PRIM2: variants seen among roughly 807,000 people sequenced by gnomAD.
PRIM2 encodes the protein DNA primase subunit 2, also known as DNA primase large subunit.
Under a neutral mutation model 67.3 loss-of-function variants are expected in PRIM2, and 39 were observed. That is an observed-to-expected ratio of 0.58 (90% confidence interval 0.45 to 0.76). The LOEUF (loss-of-function observed/expected upper bound fraction) is 0.76, where lower values mean the gene tolerates loss of function less well. Among genes scored for constraint, PRIM2 ranks in the 30% least tolerant of loss-of-function variants. The pLI, the probability that PRIM2 is intolerant of heterozygous loss-of-function variation, is 0.00. For synonymous variants in PRIM2, 143 were observed against 198.7 expected, an observed-to-expected ratio of 0.72 and a Z score of 2.36; for missense variants, 398 against 598.7, an observed-to-expected ratio of 0.66 and a Z score of 3.50.
At chr6:57,251,289 T>C in the PRIM2 span, among the ~76,000 whole-genome samples, 1 of 152,340 alleles carries the variant, frequency 6.6e-6, no homozygotes, top group African/African-American at 2.4e-5. Context: ...GGGAGACATA[T>C]AGTCTAACTT....
chr6:57,236,646 A>G, the PRIM2 span, among the ~76,000 whole-genome samples: 1 of 151,702 alleles, frequency 6.6e-6, no homozygotes, highest in Non-Finnish European at 1.5e-5. Context: ...ATTCCCACCT[A>G]TGAGTGAGAA....
intron 3 of PRIM2, among the ~76,000 whole-genome samples, chr6:57,322,451 G>A (rs1243292652): frequency 6.6e-6 from 1 of 152,072 alleles, no homozygotes; most frequent in Non-Finnish European, 1.5e-5. Context: ...GGAGGTAATT[G>A]AATCATGGGG....
intron 7 of PRIM2, among the ~76,000 whole-genome samples, chr6:57,391,639 T>C (rs1770348974): frequency 1.3e-5 from 2 of 152,224 alleles, no homozygotes; most frequent in African/African-American, 2.4e-5. Context: ...CCATTGCTTG[T>C]TTTTGTCAGC....
chr6:57,565,513 A>G (rs1775719847), intron 10 of PRIM2, among the ~76,000 whole-genome samples: 1 of 151,188 alleles, frequency 6.6e-6, no homozygotes, highest in African/African-American at 2.4e-5. Context: ...CAGTCCAAGG[A>G]TAGGAGAAGA....
chr6:57,535,840 G>A (rs1159991921), intron 9 of PRIM2, among the ~76,000 whole-genome samples: 12 of 151,800 alleles, frequency 7.9e-5, no homozygotes, highest in African/African-American at 2.4e-4. Flanking sequence ...ACTCCAGCCT[G>A]GGCAACAGAG....
chr6:57,281,543 C>T, the PRIM2 span, among the ~76,000 whole-genome samples: 1 of 152,088 alleles, frequency 6.6e-6, no homozygotes, highest in African/African-American at 2.4e-5. Context: ...CTAAAATGAC[C>T]ACTAACTAAA....
At chr6:57,505,679 G>A (rs1279260031) in intron 7 of PRIM2, among the ~76,000 whole-genome samples, 1 of 152,144 alleles carries the variant, frequency 6.6e-6, no homozygotes, top group Non-Finnish European at 1.5e-5. Context: ...AGAAACAACA[G>A]TGGAGATGTA....
At chr6:57,400,648 T>C (rs1307886291) in intron 7 of PRIM2, among the ~76,000 whole-genome samples, 1 of 152,234 alleles carries the variant, frequency 6.6e-6, no homozygotes, top group East Asian at 1.9e-4. Context: ...TTGGCCTCTC[T>C]CACAAGATTA....
intron 7 of PRIM2, among the ~76,000 whole-genome samples, chr6:57,480,419 A>G (rs1355366293): frequency 1.3e-5 from 2 of 151,546 alleles, no homozygotes; most frequent in Admixed American, 6.6e-5. Context: ...AAAAAAAACT[A>G]GGAAATTAAT....
chr6:57,623,833 CTTGTTAAAGTT>C (rs1260143516), intron 12 of PRIM2, among the ~76,000 whole-genome samples: 1 of 151,874 alleles, frequency 6.6e-6, no homozygotes, highest in Non-Finnish European at 1.5e-5. Context: ...CAATGTATTT[CTTGTTAAAGTT>C]TCTATCTCTG....
the PRIM2 span, among the ~76,000 whole-genome samples, chr6:57,241,343 A>C: frequency 1.3e-5 from 2 of 152,110 alleles, no homozygotes; most frequent in South Asian, 4.1e-4. Context: ...TAGGAGTTTG[A>C]GATTACAGTG....
chr6:57,343,566 CAT>C (rs10536722), intron 5 of PRIM2, among the ~76,000 whole-genome samples: 10 of 152,136 alleles, frequency 6.6e-5, no homozygotes, highest in Admixed American at 1.3e-4. Flanking sequence ...CTAGAGAACA[CAT>C]GTGTTTGATA....
intron 7 of PRIM2, among the ~76,000 whole-genome samples, chr6:57,431,868 GTGTA>G (rs1243724406): frequency 3.9e-5 from 6 of 152,052 alleles, no homozygotes; most frequent in African/African-American, 1.4e-4. Context: ...TGAGATTCCT[GTGTA>G]TGTGTGTGTA....
At chr6:57,324,503 C>G (rs531440859) in intron 4 of PRIM2, among the ~76,000 whole-genome samples, 4 of 152,048 alleles carry the variant, frequency 2.6e-5, no homozygotes, top group African/African-American at 7.2e-5. Flanking sequence ...TGAAACACTT[C>G]TTAAGTTTGT....
At chr6:57,416,134 C>T (rs1771252566) in intron 7 of PRIM2, among the ~76,000 whole-genome samples, 1 of 152,110 alleles carries the variant, frequency 6.6e-6, no homozygotes, top group Non-Finnish European at 1.5e-5. Flanking sequence ...TCTAGTCTTA[C>T]AAAATGTATT....
chr6:57,634,556 T>C (rs1285058269), intron 13 of PRIM2, among the ~76,000 whole-genome samples: 1 of 152,294 alleles, frequency 6.6e-6, no homozygotes, highest in Non-Finnish European at 1.5e-5. Context: ...GAGTTTTAAT[T>C]TCCTATTGTT....
chr6:57,495,729 A>G (rs1773990113), intron 7 of PRIM2, among the ~76,000 whole-genome samples: 5 of 152,118 alleles, frequency 3.3e-5, no homozygotes, highest in Admixed American at 3.3e-4. Flanking sequence ...TCCACTCCCC[A>G]TAACCTTGAT....
At chr6:57,521,393 T>TTTTTA (rs1554348911) in intron 8 of PRIM2, among the ~76,000 whole-genome samples, 6 of 132,860 alleles carry the variant, frequency 4.5e-5, no homozygotes, top group East Asian at 2.0e-4. Context: ...TTTTTTTTTT[T>TTTTTA]AACACCCTAA....
At chr6:57,561,283 G>A (rs1404726091) in intron 10 of PRIM2, among the ~76,000 whole-genome samples, 1 of 152,114 alleles carries the variant, frequency 6.6e-6, no homozygotes, top group Non-Finnish European at 1.5e-5. Flanking sequence ...CCAGGCTGGA[G>A]TGCAGTGGCG....
Sources: allele counts gnomAD v4.1 joint callset (sites outside exome capture counted in the v4.1 genomes callset), GRCh38; gene constraint gnomAD v4.1.1; transcripts MANE v1.5; gene names NCBI Gene and HGNC (gene_info 2026-07-23, HGNC 2026-07-21).